Variants in STARD9 observed in about 807,000 individuals in gnomAD.
STARD9 encodes the protein StAR related lipid transfer domain containing 9, also known as stAR-related lipid transfer protein 9.
A neutral mutation model predicts 399.8 loss-of-function variants in STARD9; 346 were observed. The observed-to-expected ratio is 0.87, with a 90% CI of 0.79 to 0.95. The LOEUF is 0.95. Ranked by LOEUF, STARD9 falls within the 40% of genes least tolerant of loss-of-function variation. The pLI is 0.00. For synonymous variants in STARD9, 2,203 were observed against 2,143.5 expected, an observed-to-expected ratio of 1.03 and a Z score of -0.77; for missense variants, 5,832 against 5,667.5, an observed-to-expected ratio of 1.03 and a Z score of -0.93.
intron 7 of STARD9, among the ~76,000 whole-genome samples, chr15:42,644,664 GTGGCAATTTCT>G (rs2059612644): frequency 6.6e-6 from 1 of 152,136 alleles, no homozygotes; most frequent in South Asian, 2.1e-4. Context: ...TGGGATGGCT[GTGGCAATTTCT>G]TAAAACAACT....
chr15:42,712,170 A>G (rs1398956706), intron 26 of STARD9, among the ~76,000 whole-genome samples: 5 of 88,026 alleles, frequency 5.7e-5, no homozygotes, highest in East Asian at 6.4e-4. Flanking sequence ...TTGGAGAAAT[A>G]TCTAGCAGGA....
intron 20 of STARD9, among the ~76,000 whole-genome samples, chr15:42,680,961 G>C (rs2060415414): frequency 6.6e-6 from 1 of 152,208 alleles, no homozygotes; most frequent in Non-Finnish European, 1.5e-5. Flanking sequence ...CTGTTTCAGG[G>C]AATGGAGGTG....
chr15:42,691,943 C>G lies in STARD9; in HGVS notation c.10365C>G (p.Asp3455Glu). The G allele has an allele frequency of 6.5e-7, 1 of 1,537,240 alleles. No homozygotes were observed. Residue 3455 changes from aspartate (D) to glutamate (E), a missense_variant, in exon 23 of 33, where the codon GAC (aspartate) becomes GAG (glutamate). Physicochemically the swap from Asp to Glu is conservative, Grantham distance 45. This residue lies in a region of STARD9 where 5,828 missense variants were observed against 5,651.1 expected (regional missense o/e 1.03). Coordinates refer to ENST00000290607, the MANE Select transcript of STARD9 (RefSeq NM_020759.3). The stretch of plus-strand genomic sequence containing the variant: ...CAGAAAATTGGTGCTCTCAGATGGA[C>G]AAAGGAATGCTGCACTTTGGCTCCA... ...VRPENWCSQMDKGMLHFGSSD... is the reference protein window; with the variant it reads ...VRPENWCSQMEKGMLHFGSSD...
At chr15:42,611,230 G>T (rs74715782) in intron 3 of STARD9, among the ~76,000 whole-genome samples, 1 of 152,176 alleles carries the variant, frequency 6.6e-6, no homozygotes, top group South Asian at 2.1e-4. Flanking sequence ...TGTAATATTT[G>T]TGGATGATTT....
intron 3 of STARD9, among the ~76,000 whole-genome samples, chr15:42,610,195 T>C (rs2058820176): frequency 6.6e-6 from 1 of 152,254 alleles, no homozygotes; most frequent in South Asian, 2.1e-4. Context: ...ATAGTCATTT[T>C]TGCTGCTCGC....
At chr15:42,603,019 TCTGAA>T (rs1273072323) in intron 3 of STARD9, among the ~76,000 whole-genome samples, 1 of 152,182 alleles carries the variant, frequency 6.6e-6, no homozygotes, top group Non-Finnish European at 1.5e-5. Context: ...TGCTGCTCTT[TCTGAA>T]CTGCATTTTT....
At position 42,595,777 on chromosome 15, in the gene STARD9, G is replaced by A. The variant is rs138377405; in HGVS notation, c.234+10140G>A. On this transcript the variant is annotated intron_variant, in intron 3 of 32. Transcript: ENST00000290607. Reference sequence around the variant, plus strand: ...AAGGGAGAGAAGTTTATAAGAAAAAGCCTTTTTGTGCAGTAATCAGATGGG... The same window carrying A: ...AAGGGAGAGAAGTTTATAAGAAAAAACCTTTTTGTGCAGTAATCAGATGGG... Among the ~76,000 whole-genome samples, 22 of 152,270 alleles carry A rather than the reference G, an allele frequency of 1.4e-4. No individual in the cohort carries two copies. The East Asian group carries it at 3.9e-3, about 27-fold the overall frequency.
intron 15 of STARD9, among the ~76,000 whole-genome samples, chr15:42,668,434 C>A (rs2060144833): frequency 6.7e-6 from 1 of 150,094 alleles, no homozygotes. Flanking sequence ...AAGCTCAATG[C>A]TTAGGCATCG....
intron 3 of STARD9, among the ~76,000 whole-genome samples, chr15:42,614,959 C>T (rs996629737): frequency 8.6e-5 from 13 of 150,386 alleles, no homozygotes; most frequent in South Asian, 6.3e-4. Context: ...AGCGAGACTC[C>T]GTCTCAAAAA....
chr15:42,717,967 C>CT lies in STARD9; in HGVS notation c.13560-9dup, dbSNP rs1309903865. The CT allele has an allele frequency of 6.5e-7, 1 of 1,536,970 alleles. No homozygotes were observed. The highest frequency in any genetic ancestry group is 1.2e-5 in the South Asian group (1 of 84,056). On this transcript the variant is annotated splice_polypyrimidine_tract_variant and intron_variant, in intron 29 of 32. Coordinates refer to ENST00000290607, the MANE Select transcript of STARD9 (RefSeq NM_020759.3). ...CCTTTCTATTTTCTGTGCTTGGTGT[C>CT]TCCCCCCAGCTATCAGGGTGAGGAG... is the stretch of plus-strand genomic sequence containing the variant.
intron 3 of STARD9, among the ~76,000 whole-genome samples, chr15:42,620,778 A>ATTT (rs2059076559): frequency 7.3e-6 from 1 of 136,704 alleles, no homozygotes; most frequent in African/African-American, 2.9e-5. Context: ...TTTTGGAGAC[A>ATTT]GAGTTTCCCT....
rs138113203 is a variant in STARD9 at position 42,582,209 on chromosome 15, C to G, written c.48-1137C>G. Among the ~76,000 whole-genome samples, 189 of 152,288 alleles carry G rather than the reference C, an allele frequency of 1.2e-3. 2 individuals are homozygous for G. The highest frequency in any genetic ancestry group is 4.0e-3 in the African/African-American group (166 of 41,538). On this transcript the variant is annotated intron_variant, in intron 1 of 32. Coordinates refer to ENST00000290607, the MANE Select transcript of STARD9 (RefSeq NM_020759.3). Reference sequence around the variant, plus strand: ...CTGTGTTTCTCCTACCCCCAGTCCTCTAGGTCATAGCCTGGGAAGCCTGAG... The same window carrying G: ...CTGTGTTTCTCCTACCCCCAGTCCTGTAGGTCATAGCCTGGGAAGCCTGAG...
chr15:42,717,667 GACTA>G, intron 28 of STARD9, 60 bp from the exon 29 acceptor site: 1 of 1,396,926 alleles, frequency 7.2e-7, no homozygotes, highest in South Asian at 1.2e-5. Context: ...AGGCCAGACT[GACTA>G]ACCCAGGGGC....
intron 15 of STARD9, among the ~76,000 whole-genome samples, chr15:42,667,421 G>T (rs1254394009): frequency 6.6e-6 from 1 of 150,864 alleles, no homozygotes; most frequent in Non-Finnish European, 1.5e-5. Flanking sequence ...CTGACCTCGT[G>T]ATCCACCCAC....
In STARD9 at chr15:42,691,431, G is replaced by T; in HGVS notation, c.9853G>T (p.Ala3285Ser). 1 of 1,537,222 alleles carries T rather than the reference G, an allele frequency of 6.5e-7. No individual in the cohort carries two copies. Reference sequence around the variant, plus strand: ...GCAAAATGAAACACCGCAGCCTGCTGCTCAGAGGAGTGGCCACCTCTACAC... The same window carrying T: ...GCAAAATGAAACACCGCAGCCTGCTTCTCAGAGGAGTGGCCACCTCTACAC... The part of the protein sequence containing the change: ...LRQNETPQPA[A>S]QRSGHLYTGR... The change falls in exon 23 of 33, where the codon GCT becomes TCT. Residue 3285 changes from alanine to serine, a missense_variant. Ala to Ser is a moderately conservative substitution (Grantham distance 99). This residue lies in a region of STARD9 where 5,828 missense variants were observed against 5,651.1 expected (regional missense o/e 1.03). Transcript: ENST00000290607.
intron 7 of STARD9, among the ~76,000 whole-genome samples, chr15:42,641,318 C>A (rs2059531721): frequency 6.6e-6 from 1 of 152,146 alleles, no homozygotes; most frequent in Non-Finnish European, 1.5e-5. Flanking sequence ...TGAAGCCATT[C>A]TGGACTTTCT....
In STARD9 at chr15:42,716,134, C is replaced by T. The variant is rs557876753; in HGVS notation, c.13285-543C>T. Among the ~76,000 whole-genome samples, 27 of 152,204 alleles carry T rather than the reference C, an allele frequency of 1.8e-4. 1 individual carries two copies. In the South Asian group the frequency reaches 4.1e-3, roughly 23 times the overall value. On this transcript the variant is annotated intron_variant, in intron 26 of 32. Coordinates refer to ENST00000290607, the MANE Select transcript of STARD9 (RefSeq NM_020759.3). ...GGTCCTATTGTTGAGGAGCTTGCTG[C>T]GGTGGAGGTGTGGTGACCACATTGC...
chr15:42,680,778 T>G (rs909392407), intron 20 of STARD9, among the ~76,000 whole-genome samples: 1 of 152,162 alleles, frequency 6.6e-6, no homozygotes, highest in Non-Finnish European at 1.5e-5. Flanking sequence ...AATGCTTCAG[T>G]ATATATCTTT....
chr15:42,661,279 A>T, intron 10 of STARD9, 54 bp downstream of exon 10: 1 of 1,220,540 alleles, frequency 8.2e-7, no homozygotes, highest in Admixed American at 2.0e-5. Flanking sequence ...CCTGTTTTAC[A>T]GGGAATAAGC....
Sources: allele counts gnomAD v4.1 joint callset (sites outside exome capture counted in the v4.1 genomes callset), GRCh38; gene constraint gnomAD v4.1.1; regional missense constraint gnomAD v4.1.1; transcripts MANE v1.5; gene names NCBI Gene and HGNC (gene_info 2026-07-23, HGNC 2026-07-21).